The following RIPK2 variants were observed in gnomAD, a reference collection of about 807,000 sequenced individuals.
The protein encoded by RIPK2 is receptor-interacting serine/threonine-protein kinase 2.
A neutral mutation model predicts 60.9 loss-of-function variants in RIPK2; 38 were observed. The ratio of observed to expected loss-of-function variants is 0.62; its 90% CI spans 0.48 to 0.82. RIPK2 has a LOEUF of 0.82. RIPK2 is among the 40% of genes least tolerant of loss of function. The probability of loss-of-function intolerance (pLI) is 0.00; values close to 1 mark genes in which losing one functional copy is unlikely to be tolerated. For synonymous variants in RIPK2, 225 were observed against 223.4 expected, an observed-to-expected ratio of 1.01 and a Z score of -0.06; for missense variants, 518 against 647.0, an observed-to-expected ratio of 0.80 and a Z score of 2.16.
chr8:89,766,211 T>G (rs1809227377), intron 3 of RIPK2, among the ~76,000 whole-genome samples: 1 of 151,910 alleles, frequency 6.6e-6, no homozygotes, highest in Non-Finnish European at 1.5e-5. Context: ...TTCCACAGTA[T>G]AAATGTACCA....
At chr8:89,773,285 T>A (rs545593266) in intron 6 of RIPK2, among the ~76,000 whole-genome samples, 1 of 152,098 alleles carries the variant, frequency 6.6e-6, no homozygotes, top group Non-Finnish European at 1.5e-5. Context: ...GGCCTTTTTT[T>A]AGGGGCAAAC....
intron 6 of RIPK2, 92 bp downstream of exon 6, chr8:89,772,920 G>A (rs1159690675): frequency 2.5e-6 from 2 of 785,852 alleles, no homozygotes; most frequent in Non-Finnish European, 3.7e-6. Context: ...GTGCAAATTA[G>A]ATGACTAGCT....
chr8:89,780,944 GTT>G (rs1367457371), intron 7 of RIPK2, among the ~76,000 whole-genome samples: 2 of 141,828 alleles, frequency 1.4e-5, no homozygotes, highest in Non-Finnish European at 1.6e-5. Context: ...TACTGCAGGG[GTT>G]TTTTTTTTTT....
rs201143747 is a variant in RIPK2, at chr8:89,757,863, G to C, written c.-198G>C. The C allele has an allele frequency of 4.4e-6, 6 of 1,362,786 alleles. No individual in the cohort carries two copies. Among genetic ancestry groups the C allele is most frequent in the East Asian group, 3.0e-5 (1 of 33,680 alleles). 84.4% of individuals were successfully genotyped at this position (1,362,786 alleles called of 1,614,324 possible). On this transcript the variant is annotated 5_prime_UTR_variant, in exon 1 of 11. Coordinates refer to ENST00000220751, the MANE Select transcript of RIPK2 (RefSeq NM_003821.6). Reference sequence around the variant, plus strand: ...GCACCAGTCTCTAGAAAAGAAGTCAGCTCTGGTTCGGAGAAGCAGCGGCTG... The same window carrying C: ...GCACCAGTCTCTAGAAAAGAAGTCACCTCTGGTTCGGAGAAGCAGCGGCTG...
At chr8:89,779,195 C>T (rs1177882443) in intron 6 of RIPK2, among the ~76,000 whole-genome samples, 1 of 151,304 alleles carries the variant, frequency 6.6e-6, no homozygotes, top group Non-Finnish European at 1.5e-5. Flanking sequence ...TTAGCAGATA[C>T]ATGATGTGGA....
chr8:89,780,815 T>G (rs1260394056), intron 7 of RIPK2: 1 of 152,058 alleles, frequency 6.6e-6, no homozygotes, highest in Non-Finnish European at 1.5e-5. Flanking sequence ...ATTTTTCCTC[T>G]CAAACACTTC....
At chr8:89,785,302 C>G (rs1402718624) in intron 8 of RIPK2, among the ~76,000 whole-genome samples, 1 of 152,060 alleles carries the variant, frequency 6.6e-6, no homozygotes, top group African/African-American at 2.4e-5. Context: ...TGACAAAACC[C>G]CATCTCTACT....
At chr8:89,779,204 G>C (rs1809451571) in intron 6 of RIPK2, among the ~76,000 whole-genome samples, 1 of 151,488 alleles carries the variant, frequency 6.6e-6, no homozygotes, top group Admixed American at 6.6e-5. Flanking sequence ...ACATGATGTG[G>C]AAATATAGTG....
At position 89,772,777 on chromosome 8, in the gene RIPK2, C is replaced by G. The variant is rs35004667; in HGVS notation, c.802C>G (p.Leu268Val). 1.3e-3 allele frequency: 2,146 copies of G among 1,610,338 alleles called. 28 individuals carry two copies. The African/African-American group carries it at 0.026, about 19-fold the overall frequency. The change falls in exon 6 of 11, where the codon CTA becomes GTA. Residue 268 changes from leucine (L) to valine (V), a missense_variant. Leu to Val is a conservative substitution (Grantham distance 32). Transcript: ENST00000220751. ...DIPHRARMIS[L>V]IESGWAQNPD... Reference sequence around the variant, plus strand: ...ACCTCACCGAGCACGTATGATCTCTCTAATAGAAAGTGGATGGGCACAAAA... The same window carrying G: ...ACCTCACCGAGCACGTATGATCTCTGTAATAGAAAGTGGATGGGCACAAAA...
Position 89,791,037 on chromosome 8 carries a change from C to T in RIPK2, c.*621C>T, listed in dbSNP as rs956035941. ...TTCCCTACTGTCACCAACAACCAAG[C>T]TAAATAAAGTCAACAGCCTGATGTG... On this transcript the variant is annotated 3_prime_UTR_variant, in exon 11 of 11. Transcript: ENST00000220751. 1.3e-5 allele frequency: 2 copies of T among 152,146 alleles called. No homozygotes were observed. Among genetic ancestry groups the T allele is most frequent in the Admixed American group, 6.5e-5 (1 of 15,268 alleles). The allele number at this position is 152,146 out of a possible 1,614,324, so 9.4% of individuals were successfully genotyped here.
At chr8:89,779,664 T>G (rs10102596) in intron 6 of RIPK2, among the ~76,000 whole-genome samples, 28,271 of 152,000 alleles carry the variant, frequency 0.19, 3,876 homozygotes, top group African/African-American at 0.39. Flanking sequence ...ATGTCATATC[T>G]AAGAACTCTG....
chr8:89,768,626 G>C (rs1809266018), intron 3 of RIPK2, among the ~76,000 whole-genome samples: 1 of 151,484 alleles, frequency 6.6e-6, no homozygotes, highest in Non-Finnish European at 1.5e-5. Flanking sequence ...GCTTTTCTCA[G>C]CTGTTCTCAT....
intron 7 of RIPK2, among the ~76,000 whole-genome samples, chr8:89,781,354 A>ATTTTTTTTTTTCTTTTTTTTTT (rs1161497561): frequency 3.5e-5 from 5 of 143,956 alleles, no homozygotes; most frequent in African/African-American, 1.3e-4. Flanking sequence ...AATAGATTGA[A>ATTTTTTTTTTTCTTTTTTTTTT]TTTTTTTTTT....
At position 89,784,111 on chromosome 8, in the gene RIPK2, A is replaced by C. The variant is rs1166370593; in HGVS notation, c.1001A>C (p.Asn334Thr). ...CDKKKMELSL[N>T]IPVNHGPQEE... The stretch of plus-strand genomic sequence containing the variant: ...AAGAAGAAAATGGAATTATCTCTGA[A>C]CATACCTGTAAATCATGGTCCACAA... The change falls in exon 8 of 11, where the codon AAC becomes ACC. Residue 334 changes from asparagine (N) to threonine (T), a missense_variant. Asn to Thr is a moderately conservative substitution (Grantham distance 65). Around this residue, in one of 3 missense-constraint regions of RIPK2, gnomAD observed 448 missense variants for 534.7 expected, o/e 0.84. Coordinates refer to ENST00000220751, the MANE Select transcript of RIPK2 (RefSeq NM_003821.6). 4 of 1,540,372 alleles carry C rather than the reference A, an allele frequency of 2.6e-6. No homozygotes were observed. The African/African-American group carries it at 5.5e-5, about 21-fold the overall frequency.
At chr8:89,775,463 A>T (rs1034249673) in intron 6 of RIPK2, among the ~76,000 whole-genome samples, 2 of 144,542 alleles carry the variant, frequency 1.4e-5, no homozygotes, top group South Asian at 2.1e-4. Context: ...TTTCTTAAAT[A>T]AAAAAAAAAA....
At chr8:89,761,579 G>A (rs1809145705) in intron 1 of RIPK2, among the ~76,000 whole-genome samples, 1 of 151,862 alleles carries the variant, frequency 6.6e-6, no homozygotes, top group Non-Finnish European at 1.5e-5. Flanking sequence ...TCTTAAAATT[G>A]TATTCTACTG....
chr8:89,766,426 T>C (rs1809230363), intron 3 of RIPK2, among the ~76,000 whole-genome samples: 1 of 151,890 alleles, frequency 6.6e-6, no homozygotes, highest in African/African-American at 2.4e-5. Flanking sequence ...CCAGAGTGGC[T>C]GTACCATTTT....
chr8:89,767,587 A>G (rs1809249478), intron 3 of RIPK2, among the ~76,000 whole-genome samples: 1 of 151,676 alleles, frequency 6.6e-6, no homozygotes, highest in Admixed American at 6.6e-5. Flanking sequence ...AAATACCTTA[A>G]TGGTCAACTA....
In RIPK2 at chr8:89,789,400, T is replaced by A. The variant is rs1334682929; in HGVS notation, c.1203T>A (p.Ser401=). The A allele has an allele frequency of 1.2e-6, 2 of 1,614,078 alleles. No homozygotes were observed. The highest frequency in any genetic ancestry group is 8.5e-7 in the Non-Finnish European group (1 of 1,179,942). The part of the protein sequence containing the change: ...NHSWDSTISG[S]QRAAFCDHKT... ...GTTGGGATAGCACCATTTCTGGATC[T>A]CAAAGGGCTGCATTCTGTGATCACA... The change falls in exon 10 of 11, where the codon TCT becomes TCA. Residue 401 remains serine (S), a synonymous_variant. Transcript: ENST00000220751.
Sources: gnomAD v4.1 joint callset for allele counts (sites outside exome capture counted in the v4.1 genomes callset) on GRCh38, gnomAD v4.1.1 for gene constraint, gnomAD v4.1.1 regional missense constraint, MANE v1.5 for transcripts, NCBI Gene and HGNC (gene_info 2026-07-23, HGNC 2026-07-21) for gene names.